Variants in TRMT9B observed in about 807,000 individuals in gnomAD.
TRMT9B encodes tRNA methyltransferase 9B (putative), also known as probable tRNA methyltransferase 9B.
A neutral mutation model predicts 11.5 loss-of-function variants in TRMT9B; 16 were observed. That is an observed-to-expected ratio of 1.39 (90% CI 0.94 to 2.11). TRMT9B has a LOEUF of 2.11. Among genes scored for constraint, TRMT9B ranks in the 30% most tolerant of loss-of-function variants. TRMT9B has a pLI of 0.00. For synonymous variants in TRMT9B, 274 were observed against 192.4 expected (o/e 1.42, Z -3.51); for missense variants, 941 against 553.8 (o/e 1.70, Z -7.02).
intron 2 of TRMT9B, among the ~76,000 whole-genome samples, chr8:12,993,027 T>G (rs1384626339): frequency 6.6e-6 from 1 of 152,132 alleles, no homozygotes; most frequent in East Asian, 1.9e-4. Context: ...TGAGAGAGAA[T>G]AGACTGCTGG....
At chr8:13,001,838 G>C (rs1192978253) in intron 2 of TRMT9B, among the ~76,000 whole-genome samples, 1 of 152,154 alleles carries the variant, frequency 6.6e-6, no homozygotes, top group Non-Finnish European at 1.5e-5. Context: ...TCTGGAATTT[G>C]ACAGCACACA....
intron 3 of TRMT9B, chr8:13,012,483 G>C (rs1811810998): frequency 3.2e-6 from 2 of 631,392 alleles, no homozygotes; most frequent in African/African-American, 1.9e-5. Flanking sequence ...GCTAAGGCAA[G>C]AGAATTGCTT....
At position 12,959,516 on chromosome 8, in the gene TRMT9B, C is replaced by CTCTTT. The variant is rs757156112; in HGVS notation, c.-200+13551_-200+13552insCTTTT. On this transcript the variant is annotated intron_variant, in intron 1 of 4. Transcript: ENST00000524591. ...TCTCCTCTCCTTTCCTTTTTCCTTCCTTTTTTTTTTTTTTTTTTTTTTTGA... is the reference window on the plus strand; with the variant it reads ...TCTCCTCTCCTTTCCTTTTTCCTTCCTCTTTTTTTTTTTTTTTTTTTTTTTTTTGA... 8.0e-5 allele frequency among the ~76,000 whole-genome samples: 6 copies of CTCTTT among 74,934 alleles called. 1 individual carries two copies. The highest frequency in any genetic ancestry group is 3.0e-4 in the African/African-American group (6 of 19,960). 49.2% of individuals were successfully genotyped at this position (74,934 alleles called of 152,430 possible).
intron 2 of TRMT9B, among the ~76,000 whole-genome samples, chr8:13,004,801 G>C (rs151204964): frequency 1.3e-5 from 2 of 152,254 alleles, no homozygotes; most frequent in African/African-American, 4.8e-5. Context: ...AAGGAAAGGG[G>C]ACTTTGCCTT....
intron 1 of TRMT9B, among the ~76,000 whole-genome samples, chr8:12,963,998 T>G (rs1302033895): frequency 1.3e-5 from 2 of 152,306 alleles, no homozygotes; most frequent in East Asian, 3.9e-4. Flanking sequence ...TCAGCTTTGG[T>G]TTTGTAAACC....
rs1453956334 is a variant in TRMT9B, at chr8:13,023,505, C to G, written c.*1461C>G. On this transcript the variant is annotated 3_prime_UTR_variant, in exon 5 of 5. Transcript: ENST00000524591. ...GAATAGACTGGACACTGTGTGGTCACTGTTTAGATTTGCCCATGGGTCTCT... is the reference window on the plus strand; with the variant it reads ...GAATAGACTGGACACTGTGTGGTCAGTGTTTAGATTTGCCCATGGGTCTCT... 1 of 167,038 alleles carries G rather than the reference C, an allele frequency of 6.0e-6. No homozygotes were observed. Among genetic ancestry groups the G allele is most frequent in the East Asian group, 1.9e-4 (1 of 5,204 alleles). The allele number at this position is 167,038 out of a possible 1,614,324, so 10.3% of individuals were successfully genotyped here.
At chr8:13,011,627 T>C (rs1039047152) in intron 3 of TRMT9B, 1 of 972,362 alleles carries the variant, frequency 1.0e-6, no homozygotes, top group Non-Finnish European at 1.2e-6. Flanking sequence ...TTCATTCATG[T>C]TACTACCTAC....
intron 2 of TRMT9B, among the ~76,000 whole-genome samples, chr8:12,997,862 TC>T (rs1808650354): frequency 6.6e-6 from 1 of 152,194 alleles, no homozygotes. Flanking sequence ...TCACATTTCT[TC>T]CAGTGGTGTA....
chr8:13,026,729 G>A lies in TRMT9B; in HGVS notation c.*4685G>A, dbSNP rs1421270207. 1 of 167,016 alleles carries A rather than the reference G, an allele frequency of 6.0e-6. No homozygotes were observed. Among genetic ancestry groups the A allele is most frequent in the African/African-American group, 2.4e-5 (1 of 41,432 alleles). The allele number at this position is 167,016 out of a possible 1,614,324, so 10.3% of individuals were successfully genotyped here. On this transcript the variant is annotated 3_prime_UTR_variant, in exon 5 of 5. Transcript: ENST00000524591. ...GTAGGTATCACACATTTAGTTAGAG[G>A]CAGAGCTGGGATTCAAACCCAGGTC... is the stretch of plus-strand genomic sequence containing the variant.
At chr8:12,991,663 T>G (rs1807354715) in intron 2 of TRMT9B, among the ~76,000 whole-genome samples, 1 of 152,310 alleles carries the variant, frequency 6.6e-6, no homozygotes, top group African/African-American at 2.4e-5. Flanking sequence ...CTGGGCGCAT[T>G]GGCTCATGCC....
At chr8:13,013,427 CT>C (rs1812029518) in intron 4 of TRMT9B, among the ~76,000 whole-genome samples, 1 of 152,140 alleles carries the variant, frequency 6.6e-6, no homozygotes, top group African/African-American at 2.4e-5. Flanking sequence ...GAATGTGTTT[CT>C]CATATCCTCC....
At chr8:12,948,853 G>T (rs1233969652) in intron 1 of TRMT9B, among the ~76,000 whole-genome samples, 1 of 152,142 alleles carries the variant, frequency 6.6e-6, no homozygotes, top group African/African-American at 2.4e-5. Context: ...CCCGCTACTT[G>T]GGAGGCTGAG....
At chr8:12,949,508 C>G (rs1162021382) in intron 1 of TRMT9B, among the ~76,000 whole-genome samples, 1 of 152,146 alleles carries the variant, frequency 6.6e-6, no homozygotes, top group Non-Finnish European at 1.5e-5. Flanking sequence ...TTCCCACAAC[C>G]ATTACCCAAA....
rs1180570777 is a variant in TRMT9B at position 13,021,568 on chromosome 8, C to T, written c.889C>T (p.Gln297Ter). Residue 297 changes from glutamine (Q) to a stop codon, truncating the protein, a stop_gained, in exon 5 of 5, where the codon CAA becomes TAA. Transcript: ENST00000524591. LOFTEE classifies it low-confidence loss of function (END_TRUNC). The stretch of plus-strand genomic sequence containing the variant: ...ACACTCTAGTTTAGACTTTGATCAC[C>T]AAGAGCCATTTTCAACAAAAGGGCA... ...SRHSSLDFDH[Q>*]EPFSTKGQSL... 1.9e-6 allele frequency: 3 copies of T among 1,613,724 alleles called. No individual in the cohort carries two copies. The highest frequency in any genetic ancestry group is 2.7e-5 in the African/African-American group (2 of 74,864).
At chr8:13,014,497 C>CA (rs1212644388) in intron 4 of TRMT9B, among the ~76,000 whole-genome samples, 1 of 152,042 alleles carries the variant, frequency 6.6e-6, no homozygotes, top group African/African-American at 2.4e-5. Flanking sequence ...AGAGATAGAG[C>CA]AAGCTCTCTG....
chr8:12,993,761 CTT>C (rs1045544439), intron 2 of TRMT9B, among the ~76,000 whole-genome samples: 2 of 152,234 alleles, frequency 1.3e-5, no homozygotes, highest in African/African-American at 4.8e-5. Flanking sequence ...TGGTACATCT[CTT>C]TCACTGTGGC....
intron 1 of TRMT9B, chr8:12,960,503 A>G (rs1801958126): frequency 6.6e-6 from 1 of 152,270 alleles, no homozygotes; most frequent in African/African-American, 2.4e-5. Context: ...CAGAACCTGC[A>G]CACAAATGTC....
chr8:12,948,112 A>G (rs1021514325), intron 1 of TRMT9B, among the ~76,000 whole-genome samples: 1 of 152,190 alleles, frequency 6.6e-6, no homozygotes, highest in African/African-American at 2.4e-5. Flanking sequence ...AAAGTGTTGT[A>G]AAATGCATTT....
chr8:12,952,134 G>C (rs1198607367), intron 1 of TRMT9B: 3 of 447,016 alleles, frequency 6.7e-6, no homozygotes, highest in South Asian at 4.7e-5. Flanking sequence ...CCCTGGCTGC[G>C]GGACAGCGCT....
Sources: allele counts gnomAD v4.1 joint callset (sites outside exome capture counted in the v4.1 genomes callset), GRCh38; gene constraint gnomAD v4.1.1; transcripts MANE v1.5; gene names NCBI Gene and HGNC (gene_info 2026-07-23, HGNC 2026-07-21).